Variants in LY75 observed in about 807,000 individuals in gnomAD.
LY75 encodes lymphocyte antigen 75.
In LY75, 185 loss-of-function variants were observed where a neutral mutation model predicts 231.7. The ratio of observed to expected loss-of-function variants is 0.80; its 90% confidence interval spans 0.71 to 0.90. The LOEUF is 0.90. LY75 is among the 40% of genes least tolerant of loss of function. LY75 has a pLI of 0.00. For missense variants in LY75, 1,947 were observed against 2,050.2 expected (o/e 0.95, Z 0.97); for synonymous variants, 668 against 689.0 (o/e 0.97, Z 0.48).
At chr2:159,886,396 AG>A in intron 5 of LY75, 23 bp downstream of exon 5, 2 of 1,596,860 alleles carry the variant, frequency 1.3e-6, no homozygotes, top group Non-Finnish European at 8.5e-7. Context: ...TTCTGTGCAG[AG>A]GGGGTAGGGA....
chr2:159,850,277 T>C (rs1236034437), intron 22 of LY75, 85 bp downstream of exon 22: 5 of 1,537,422 alleles, frequency 3.3e-6, no homozygotes, highest in Non-Finnish European at 4.4e-6. Context: ...TAATAAGAAT[T>C]TTTGTATGTT....
intron 2 of LY75, among the ~76,000 whole-genome samples, chr2:159,896,189 G>A (rs1460903933): frequency 1.3e-5 from 2 of 152,144 alleles, no homozygotes; most frequent in Admixed American, 1.3e-4. Context: ...TTTCCTCTGC[G>A]TGATTCACCA....
At chr2:159,860,785 G>A (rs1417774526) in intron 15 of LY75, 36 bp downstream of exon 15, 3 of 1,610,118 alleles carry the variant, frequency 1.9e-6, no homozygotes, top group Non-Finnish European at 2.5e-6. Flanking sequence ...ATGGACTTAT[G>A]TTTTAAATAT....
At chr2:159,898,278 C>T (rs1188730945) in intron 2 of LY75, among the ~76,000 whole-genome samples, 1 of 152,014 alleles carries the variant, frequency 6.6e-6, no homozygotes, top group Non-Finnish European at 1.5e-5. Flanking sequence ...CTACGCCTGA[C>T]CTTTCTTCTT....
At position 159,883,812 on chromosome 2, in the gene LY75, C is replaced by T. The variant is rs548939640; in HGVS notation, c.1054+1341G>A. Among the ~76,000 whole-genome samples, 49 of 152,284 alleles carry T rather than the reference C, an allele frequency of 3.2e-4. 1 individual carries two copies. The highest frequency in any genetic ancestry group is 6.8e-3 in the Middle Eastern group (2 of 294). ...CCCCTATTATCTTAAAATATCCCCT[C>T]AGATTCTTTATTTTATATCTAGTTT... is the stretch of plus-strand genomic sequence containing the variant. On this transcript the variant is annotated intron_variant, in intron 6 of 34. Transcript: ENST00000263636.
intron 12 of LY75, 43 bp downstream of exon 12, chr2:159,875,400 GA>G (rs1560094792): frequency 6.3e-7 from 1 of 1,596,168 alleles, no homozygotes; most frequent in East Asian, 2.2e-5. Context: ...AAGGGTAGTG[GA>G]AAAATAACTT....
chr2:159,894,009 T>TG lies in LY75; in HGVS notation c.541dup (p.His181ProfsTer2), dbSNP rs1383257268. The TG allele has an allele frequency of 9.3e-6, 15 of 1,613,982 alleles. No homozygotes were observed. The highest frequency in any genetic ancestry group is 1.3e-5 in the Non-Finnish European group (15 of 1,179,886). ...ATGATCTTCATCAAGAATGCAATCA[T>TG]GATGCCAGGTCCCATCAATTAAGAA... On this transcript the variant is annotated frameshift_variant, in exon 3 of 35. Transcript: ENST00000263636. LOFTEE classifies it high-confidence loss of function.
chr2:159,851,457 AC>A (rs1164988482), intron 21 of LY75, among the ~76,000 whole-genome samples: 24 of 152,302 alleles, frequency 1.6e-4, no homozygotes, highest in African/African-American at 5.5e-4. Flanking sequence ...TAGAGAGAAC[AC>A]CCTGAATTTA....
At chr2:159,837,395 G>A (rs7606160) in intron 25 of LY75, among the ~76,000 whole-genome samples, 59,126 of 152,112 alleles carry the variant, frequency 0.39, 14,413 homozygotes, top group Non-Finnish European at 0.55. Flanking sequence ...AGGAACAGAA[G>A]ACCAAATACC....
In LY75 at chr2:159,894,097, G is replaced by A; in HGVS notation, c.467-13C>T. The A allele has an allele frequency of 6.3e-7, 1 of 1,577,884 alleles. No individual in the cohort carries two copies. The highest frequency in any genetic ancestry group is 1.2e-5 in the South Asian group (1 of 85,306). ...CTGGTATAGATCTCTGGGTTGGAGA[G>A]GAAGTTGGGGAAAAGAGAGTTAAAA... is the stretch of plus-strand genomic sequence containing the variant. On this transcript the variant is annotated splice_polypyrimidine_tract_variant and intron_variant, in intron 2 of 34. Transcript: ENST00000263636.
intron 31 of LY75, among the ~76,000 whole-genome samples, chr2:159,813,151 G>A (rs530173309): frequency 6.6e-6 from 1 of 152,298 alleles, no homozygotes; most frequent in Admixed American, 6.5e-5. Context: ...TTGAATCCCT[G>A]CTTTCAGTTG....
intron 2 of LY75, among the ~76,000 whole-genome samples, chr2:159,897,588 T>C (rs1451452343): frequency 6.6e-6 from 1 of 152,186 alleles, no homozygotes; most frequent in Non-Finnish European, 1.5e-5. Flanking sequence ...CTTGTGCAGA[T>C]GGATAATGGA....
At chr2:159,901,503 C>T (rs1483806808) in intron 1 of LY75, among the ~76,000 whole-genome samples, 1 of 152,226 alleles carries the variant, frequency 6.6e-6, no homozygotes, top group South Asian at 2.1e-4. Context: ...GGATCCCAAA[C>T]AGGTGAACTG....
At chr2:159,841,334 TAAGAAACC>T (rs1240003186) in intron 24 of LY75, among the ~76,000 whole-genome samples, 2 of 152,154 alleles carry the variant, frequency 1.3e-5, no homozygotes, top group African/African-American at 4.8e-5. Flanking sequence ...TGAAGAAATG[TAAGAAACC>T]ATCCACAAGA....
intron 20 of LY75, 21 bp from the exon 21 acceptor site, chr2:159,852,361 A>ATT: frequency 1.2e-6 from 2 of 1,601,876 alleles, no homozygotes; most frequent in Non-Finnish European, 1.7e-6. Context: ...AAAAGCCAGG[A>ATT]TTACTATGGT....
Position 159,854,131 on chromosome 2 carries a change from A to G in LY75, c.2595+229T>C, listed in dbSNP as rs542406099. On this transcript the variant is annotated intron_variant, in intron 18 of 34. Transcript: ENST00000263636. ...GAAATTAGAATGATCTATATTATCT[A>G]CTGATGTTTACCTTATAAAGTGACA... Among the ~76,000 whole-genome samples, 5 of 152,290 alleles carry G rather than the reference A, an allele frequency of 3.3e-5. No individual in the cohort carries two copies. The East Asian group carries it at 9.6e-4, about 29-fold the overall frequency.
chr2:159,904,171 G>C (rs1281973089), intron 1 of LY75, among the ~76,000 whole-genome samples: 1 of 152,228 alleles, frequency 6.6e-6, no homozygotes, highest in Non-Finnish European at 1.5e-5. Context: ...TTGGCCCTGT[G>C]GCCAAGGTGA....
chr2:159,807,918 A>G, intron 33 of LY75: 5 of 985,046 alleles, frequency 5.1e-6, no homozygotes, highest in Non-Finnish European at 6.0e-6. Context: ...GGTTGGCGCA[A>G]AAGTAATGGC....
intron 12 of LY75, among the ~76,000 whole-genome samples, chr2:159,873,113 A>AAAAGAAGAAGAAAGGAGAAAAAG (rs1229726120): frequency 6.6e-6 from 1 of 151,654 alleles, no homozygotes; most frequent in Non-Finnish European, 1.5e-5. Context: ...GGGCTGTTTC[A>AAAAGAAGAAGAAAGGAGAAAAAG]AAAGAAGAAG....
Sources: allele counts gnomAD v4.1 joint callset (sites outside exome capture counted in the v4.1 genomes callset), GRCh38; gene constraint gnomAD v4.1.1; transcripts MANE v1.5; gene names NCBI Gene and HGNC (gene_info 2026-07-23, HGNC 2026-07-21).